HDX: variants seen among roughly 807,000 people sequenced by gnomAD.
HDX encodes chromosome X open reading frame 43.
HDX carries 19 observed loss-of-function variants against 45.2 expected under a neutral mutation model. The observed-to-expected ratio is 0.42, with a 90% CI of 0.29 to 0.62. The LOEUF (loss-of-function observed/expected upper bound fraction) is 0.62. HDX is among the 20% of genes least tolerant of loss of function. HDX has a pLI of 0.20. For missense variants in HDX, 532 were observed against 493.9 expected, an observed-to-expected ratio of 1.08 and a Z score of -0.73; for synonymous variants, 188 against 172.8, an observed-to-expected ratio of 1.09 and a Z score of -0.69.
chrX:84,453,751 G>C (rs2040054771), intron 4 of HDX, among the ~76,000 whole-genome samples: 1 of 111,574 alleles, frequency 9.0e-6, no homozygotes, highest in Non-Finnish European at 1.9e-5. Flanking sequence ...GGCAGCCAAG[G>C]GAGTGCTTGT....
intron 5 of HDX, 148 bp downstream of exon 5, chrX:84,440,384 A>T (rs962685610): frequency 3.1e-5 from 14 of 449,967 alleles, no homozygotes; most frequent in Non-Finnish European, 5.4e-5. Flanking sequence ...TGTAAATATT[A>T]TGATCTTGAA....
At chrX:84,489,909 C>T (rs2040860955) in intron 1 of HDX, among the ~76,000 whole-genome samples, 1 of 111,717 alleles carries the variant, frequency 9.0e-6, no homozygotes, top group South Asian at 3.7e-4. Context: ...ATGAGTAAAG[C>T]AATTTGGGTC....
intron 1 of HDX, among the ~76,000 whole-genome samples, chrX:84,493,072 C>T (rs138943834): frequency 0.012 from 1,369 of 110,704 alleles, 6 homozygotes; most frequent in Non-Finnish European, 0.02. Flanking sequence ...CCACCATGCC[C>T]GGCTAATTTT....
At chrX:84,423,514 G>GAAAA (rs370746590) in intron 5 of HDX, among the ~76,000 whole-genome samples, 1 of 96,013 alleles carries the variant, frequency 1.0e-5, no homozygotes, top group African/African-American at 3.7e-5. Flanking sequence ...GAGAGAGAGA[G>GAAAA]AAAACTGCAG....
intron 5 of HDX, among the ~76,000 whole-genome samples, chrX:84,395,892 A>G (rs1315456635): frequency 9.2e-6 from 1 of 108,985 alleles, no homozygotes; most frequent in African/African-American, 3.3e-5. Context: ...ACTTCATTCA[A>G]TGAATTATTT....
intron 1 of HDX, among the ~76,000 whole-genome samples, chrX:84,499,127 C>T (rs186676441): frequency 7.2e-5 from 8 of 111,845 alleles, no homozygotes; most frequent in Admixed American, 1.9e-4. Flanking sequence ...GTTTTTAGCA[C>T]AATGCCTGGC....
At chrX:84,429,771 C>G (rs1305046911) in intron 5 of HDX, among the ~76,000 whole-genome samples, 1 of 110,475 alleles carries the variant, frequency 9.1e-6, no homozygotes, top group Non-Finnish European at 1.9e-5. Context: ...GAGGTATTCA[C>G]TCTTTCACCA....
intron 1 of HDX, among the ~76,000 whole-genome samples, chrX:84,498,626 A>G (rs1351116032): frequency 8.9e-6 from 1 of 112,031 alleles, no homozygotes; most frequent in African/African-American, 3.2e-5. Context: ...AGTATGATAC[A>G]ATTTTAAAAG....
intron 5 of HDX, among the ~76,000 whole-genome samples, chrX:84,365,669 G>A (rs2037732350): frequency 9.0e-6 from 1 of 111,711 alleles, no homozygotes; most frequent in Non-Finnish European, 1.9e-5. Context: ...TTATCTGCTG[G>A]AACACAATGG....
chrX:84,472,770 A>G (rs979220067), intron 3 of HDX, among the ~76,000 whole-genome samples: 2 of 111,447 alleles, frequency 1.8e-5, no homozygotes, highest in Non-Finnish European at 3.8e-5. Flanking sequence ...CACATTCTCA[A>G]TTGAAGAAAG....
chrX:84,329,377 T>C (rs907446700), intron 9 of HDX, among the ~76,000 whole-genome samples: 8 of 111,902 alleles, frequency 7.1e-5, no homozygotes, highest in Admixed American at 5.7e-4. Context: ...AAGTGTAAAA[T>C]GGTACAGCTA....
chrX:84,444,991 G>C (rs62613288), intron 4 of HDX, among the ~76,000 whole-genome samples: 4,796 of 111,499 alleles, frequency 0.043, 101 homozygotes, highest in Middle Eastern at 0.12. Flanking sequence ...TAATGTTTCT[G>C]CTAGATTATT....
At position 84,469,682 on chromosome X, in the gene HDX, T is replaced by C. The variant is rs2040421029; in HGVS notation, c.148-107A>G. The C allele has an allele frequency of 1.1e-5, 7 of 626,719 alleles. No homozygotes were observed. In the South Asian group the frequency reaches 2.8e-4, roughly 25 times the overall value. 51.6% of individuals were successfully genotyped at this position (626,719 alleles called of 1,213,427 possible). ...TTTCATTTGTCTTGGAACCAAGGTG[T>C]ACATAAAGGTAAAAGAAAAAGGTAA... On this transcript the variant is annotated intron_variant, in intron 3 of 10. Transcript: ENST00000373177.
At chrX:84,360,238 C>T (rs747839206) in intron 6 of HDX, among the ~76,000 whole-genome samples, 1 of 111,678 alleles carries the variant, frequency 9.0e-6, no homozygotes, top group East Asian at 2.8e-4. Flanking sequence ...AATACCATCT[C>T]ACGCCAATCA....
At chrX:84,435,012 C>T (rs751759791) in intron 5 of HDX, among the ~76,000 whole-genome samples, 11 of 110,759 alleles carry the variant, frequency 9.9e-5, no homozygotes, top group African/African-American at 3.3e-4. Flanking sequence ...TCCAGTATGA[C>T]ATCTCCTTTT....
In HDX at chrX:84,469,526, G is replaced by C; in HGVS notation, c.197C>G (p.Ser66Cys). 1.7e-6 allele frequency: 2 copies of C among 1,205,199 alleles called. No homozygotes were observed. The highest frequency in any genetic ancestry group is 2.2e-6 in the Non-Finnish European group (2 of 891,405). The change falls in exon 4 of 11, where the codon TCT (serine) becomes TGT (cysteine). Residue 66 changes from serine (S) to cysteine (C), a missense_variant. This residue lies in a region of HDX where 376 missense variants were observed against 343.7 expected (regional missense o/e 1.09). Transcript: ENST00000373177. ...RRKMSSKNSE[S>C]GTATTGTSLS... Reference sequence around the variant, plus strand: ...AGAGGTTCCTGTTGTTGCTGTTCCAGATTCAGAGTTCTTACTACTCATCTT... The same window carrying C: ...AGAGGTTCCTGTTGTTGCTGTTCCACATTCAGAGTTCTTACTACTCATCTT...
rs1456957877 is a variant in HDX at position 84,318,929 on chromosome X, T to G, written c.*2960A>C. The G allele has an allele frequency of 2.7e-5, 3 of 111,177 alleles. No individual in the cohort carries two copies. Among genetic ancestry groups the G allele is most frequent in the Non-Finnish European group, 5.7e-5 (3 of 52,561 alleles). 9.2% of individuals were successfully genotyped at this position (111,177 alleles called of 1,213,427 possible). On this transcript the variant is annotated 3_prime_UTR_variant, in exon 11 of 11. Coordinates refer to ENST00000373177, the MANE Select transcript of HDX (RefSeq NM_001177479.2). ...TTTTCTTTGCATGTGCTAATTTTCC[T>G]ATTCTCCAGAGCAATTGCAATTCTC...
chrX:84,366,215 AG>A (rs1441625905), intron 5 of HDX, among the ~76,000 whole-genome samples: 1 of 111,768 alleles, frequency 8.9e-6, no homozygotes, highest in Non-Finnish European at 1.9e-5. Context: ...CCAAATCATG[AG>A]TGAACTCCGA....
chrX:84,422,218 G>T (rs745344873), intron 5 of HDX, among the ~76,000 whole-genome samples: 1 of 111,568 alleles, frequency 9.0e-6, no homozygotes, highest in Non-Finnish European at 1.9e-5. Context: ...AATAACAAAA[G>T]AAATTTTGGA....
Sources: gnomAD v4.1 joint callset for allele counts (sites outside exome capture counted in the v4.1 genomes callset) on GRCh38, gnomAD v4.1.1 for gene constraint, gnomAD v4.1.1 regional missense constraint, MANE v1.5 for transcripts, NCBI Gene and HGNC (gene_info 2026-07-23, HGNC 2026-07-21) for gene names.